Variants in EFCAB13 observed in about 807,000 individuals in gnomAD.
EFCAB13 encodes EF-hand calcium-binding domain-containing protein 13.
Under a neutral mutation model 110.2 loss-of-function variants are expected in EFCAB13, and 91 were observed. The ratio of observed to expected loss-of-function variants is 0.83; its 90% CI spans 0.70 to 0.98. The LOEUF (loss-of-function observed/expected upper bound fraction) is 0.98. Among genes scored for constraint, EFCAB13 ranks in the 50% least tolerant of loss-of-function variants. The pLI, the probability that EFCAB13 is intolerant of heterozygous loss-of-function variation, is 0.00. For missense variants in EFCAB13, 968 were observed against 1,119.4 expected, an observed-to-expected ratio of 0.86 and a Z score of 1.93; for synonymous variants, 323 against 369.9, an observed-to-expected ratio of 0.87 and a Z score of 1.45.
intron 4 of EFCAB13, 50 bp downstream of exon 4, chr17:47,328,433 A>G (rs1177288845): frequency 1.4e-6 from 2 of 1,392,868 alleles, no homozygotes; most frequent in Non-Finnish European, 2.0e-6. Context: ...TCTTTTTAAA[A>G]TTAGTTTACA....
chr17:47,394,458 GGTTA>G (rs2065726589), intron 16 of EFCAB13, among the ~76,000 whole-genome samples: 1 of 152,038 alleles, frequency 6.6e-6, no homozygotes, highest in Admixed American at 6.6e-5. Flanking sequence ...GAGAATTTCT[GGTTA>G]CATCTGTCCC....
intron 9 of EFCAB13, among the ~76,000 whole-genome samples, chr17:47,355,112 G>T (rs2143299355): frequency 6.6e-6 from 1 of 152,284 alleles, no homozygotes; most frequent in African/African-American, 2.4e-5. Context: ...GTTTGAAAAA[G>T]ACTGTATTTT....
At position 47,434,322 on chromosome 17, in the gene EFCAB13, A is replaced by T. The variant is rs539989669; in HGVS notation, c.2638+4361A>T. 5.3e-4 allele frequency among the ~76,000 whole-genome samples: 80 copies of T among 152,212 alleles called. 1 individual carries two copies. The East Asian group carries it at 0.013, about 24-fold the overall frequency. On this transcript the variant is annotated intron_variant, in intron 24 of 24. Transcript: ENST00000331493. ...CCCCTTCACAACAGCTACAAAAAAA[A>T]AATAAATAAATACTTAGGAATATAC...
intron 16 of EFCAB13, among the ~76,000 whole-genome samples, chr17:47,395,174 C>T (rs1251382902): frequency 6.6e-6 from 1 of 152,168 alleles, no homozygotes; most frequent in Non-Finnish European, 1.5e-5. Context: ...TGGCAAAACT[C>T]TCAACCCCGA....
intron 4 of EFCAB13, among the ~76,000 whole-genome samples, chr17:47,334,508 A>G (rs909268958): frequency 1.5e-4 from 23 of 152,186 alleles, no homozygotes; most frequent in Non-Finnish European, 3.2e-4. Flanking sequence ...TTTAGTTTGT[A>G]TCTAAAATCG....
intron 2 of EFCAB13, among the ~76,000 whole-genome samples, chr17:47,325,927 T>TATATATATATATC (rs2065281288): frequency 1.1e-3 from 35 of 31,606 alleles, no homozygotes; most frequent in Non-Finnish European, 1.5e-4. Flanking sequence ...AAACAAAATA[T>TATATATATATATC]ATATATATAT....
chr17:47,345,262 A>G (rs7214410), intron 8 of EFCAB13, among the ~76,000 whole-genome samples, 164 bp downstream of exon 8: 79,794 of 151,888 alleles, frequency 0.53, 21,425 homozygotes, highest in Middle Eastern at 0.58. Context: ...GCAAAAGTAG[A>G]TAGTTTAATC....
intron 21 of EFCAB13, among the ~76,000 whole-genome samples, chr17:47,411,513 A>G (rs1476177112): frequency 7.9e-5 from 12 of 152,200 alleles, no homozygotes; most frequent in African/African-American, 2.4e-4. Context: ...ACTATATGAT[A>G]TATTATAATT....
intron 11 of EFCAB13, among the ~76,000 whole-genome samples, chr17:47,371,957 T>C (rs1203363665): frequency 6.6e-6 from 1 of 152,188 alleles, no homozygotes; most frequent in Non-Finnish European, 1.5e-5. Context: ...GCTGTATTAG[T>C]CTTTTCTCAT....
intron 2 of EFCAB13, among the ~76,000 whole-genome samples, chr17:47,325,962 A>ATATG (rs2065283472): frequency 2.8e-5 from 3 of 107,106 alleles, no homozygotes; most frequent in African/African-American, 1.0e-4. Context: ...ATATATATAT[A>ATATG]GCATATATAT....
At chr17:47,366,225 T>C (rs927485289) in intron 10 of EFCAB13, among the ~76,000 whole-genome samples, 8 of 152,040 alleles carry the variant, frequency 5.3e-5, no homozygotes, top group Non-Finnish European at 1.0e-4. Flanking sequence ...TATTAAGATA[T>C]GGCAAGAAGT....
At chr17:47,327,847 A>G (rs183012697) in intron 3 of EFCAB13, among the ~76,000 whole-genome samples, 2 of 152,336 alleles carry the variant, frequency 1.3e-5, no homozygotes, top group Non-Finnish European at 2.9e-5. Context: ...GTCTGAATTC[A>G]AATTCTGTCT....
At chr17:47,401,532 CTG>C (rs1018976646) in intron 17 of EFCAB13, among the ~76,000 whole-genome samples, 3 of 151,160 alleles carry the variant, frequency 2.0e-5, no homozygotes, top group African/African-American at 7.3e-5. Context: ...AAAACTAAGA[CTG>C]AGGTATGTCT....
Position 47,379,598 on chromosome 17 carries a change from T to C in EFCAB13, c.1582+345T>C, listed in dbSNP as rs1206028534. On this transcript the variant is annotated intron_variant, in intron 14 of 24. Transcript: ENST00000331493. ...TTCCCATGGACTTGTTTGAATGAAA[T>C]ACTGGTTTGGTTCACCTTTGATTTA... Among the ~76,000 whole-genome samples, 3 of 151,302 alleles carry C rather than the reference T, an allele frequency of 2.0e-5. 1 individual carries two copies. Among genetic ancestry groups the C allele is most frequent in the African/African-American group, 7.3e-5 (3 of 41,160 alleles).
At chr17:47,365,321 AT>A (rs1375457535) in intron 10 of EFCAB13, among the ~76,000 whole-genome samples, 3 of 152,196 alleles carry the variant, frequency 2.0e-5, no homozygotes, top group Non-Finnish European at 4.4e-5. Flanking sequence ...AATGTTCTTC[AT>A]TTTATCATAT....
intron 10 of EFCAB13, among the ~76,000 whole-genome samples, chr17:47,366,105 A>G (rs770134676): frequency 1.3e-5 from 2 of 152,108 alleles, no homozygotes; most frequent in Non-Finnish European, 2.9e-5. Context: ...CATTTGGTAT[A>G]TTGTTGGAGA....
intron 11 of EFCAB13, among the ~76,000 whole-genome samples, chr17:47,370,725 G>A (rs1213943955): frequency 2.1e-5 from 3 of 141,928 alleles, no homozygotes; most frequent in Non-Finnish European, 3.0e-5. Flanking sequence ...GTTTTTTGTT[G>A]TTGTTGTTGT....
At chr17:47,375,324 T>C (rs2065608883) in intron 12 of EFCAB13, among the ~76,000 whole-genome samples, 2 of 152,188 alleles carry the variant, frequency 1.3e-5, no homozygotes, top group Non-Finnish European at 2.9e-5. Context: ...AGAATCTCAC[T>C]CTGTCAACCA....
chr17:47,345,049 A>G lies in EFCAB13; in HGVS notation c.468A>G (p.Thr156=). 1 of 1,607,290 alleles carries G rather than the reference A, an allele frequency of 6.2e-7. No homozygotes were observed. The highest frequency in any genetic ancestry group is 2.2e-5 in the East Asian group (1 of 44,578). Residue 156 remains threonine (T), a synonymous_variant, in exon 8 of 25, where the codon ACA becomes ACG. Transcript: ENST00000331493. ...AAATGCTGTCTAACCTCTACATGAC[A>G]TTATATGATGAAGTAACCCATGGAT... is the stretch of plus-strand genomic sequence containing the variant. ...EKEMLSNLYM[T]LYDEVTHGYL...
Sources: gnomAD v4.1 joint callset for allele counts (sites outside exome capture counted in the v4.1 genomes callset) on GRCh38, gnomAD v4.1.1 for gene constraint, MANE v1.5 for transcripts, NCBI Gene and HGNC (gene_info 2026-07-23, HGNC 2026-07-21) for gene names.